Variants in KATNAL1 observed in about 807,000 individuals in gnomAD.
The protein encoded by KATNAL1 is katanin catalytic subunit A1 like 1.
Under a neutral mutation model 55.2 loss-of-function variants are expected in KATNAL1, and 32 were observed. The ratio of observed to expected loss-of-function variants is 0.58; its 90% CI spans 0.44 to 0.78. KATNAL1 has a LOEUF of 0.78. Among genes scored for constraint, KATNAL1 ranks in the 30% least tolerant of loss-of-function variants. KATNAL1 has a pLI of 0.00. For missense variants in KATNAL1, 466 were observed against 600.9 expected, an observed-to-expected ratio of 0.78 and a Z score of 2.35; for synonymous variants, 193 against 193.6, an observed-to-expected ratio of 1.00 and a Z score of 0.02.
intron 3 of KATNAL1, 45 bp downstream of exon 3, chr13:30,280,018 T>C: frequency 3.9e-6 from 6 of 1,519,618 alleles, no homozygotes; most frequent in Non-Finnish European, 5.3e-6. Context: ...ACTGTGAACA[T>C]CAATTAACTA....
intron 3 of KATNAL1, among the ~76,000 whole-genome samples, chr13:30,276,516 CA>C (rs35974864): frequency 0.27 from 26,238 of 98,938 alleles, 2,583 homozygotes; most frequent in East Asian, 0.37. Context: ...TGAGAGATGG[CA>C]AAAAAAAAAA....
intron 4 of KATNAL1, among the ~76,000 whole-genome samples, chr13:30,251,897 C>T (rs1169625268): frequency 6.6e-6 from 1 of 152,048 alleles, no homozygotes; most frequent in Non-Finnish European, 1.5e-5. Flanking sequence ...AAAGCCTCAA[C>T]AATAGATCAC....
chr13:30,296,097 G>A lies in KATNAL1; in HGVS notation c.-15+11234C>T, dbSNP rs957724927. 1.9e-5 allele frequency: 6 copies of A among 314,868 alleles called. No homozygotes were observed. The East Asian group carries it at 2.0e-4, about 11-fold the overall frequency. 19.5% of individuals were successfully genotyped at this position (314,868 alleles called of 1,614,324 possible). On this transcript the variant is annotated intron_variant, in intron 1 of 10. Transcript: ENST00000380615. Reference sequence around the variant, plus strand: ...ATGGGCACTGAGAACGCGGGTCCACGCACGTGATCGTCCGTGCATCTAGCC... The same window carrying A: ...ATGGGCACTGAGAACGCGGGTCCACACACGTGATCGTCCGTGCATCTAGCC...
intron 6 of KATNAL1, among the ~76,000 whole-genome samples, chr13:30,233,081 CA>C (rs1388771865): frequency 6.6e-6 from 1 of 152,072 alleles, no homozygotes; most frequent in African/African-American, 2.4e-5. Flanking sequence ...TGTAAGACCT[CA>C]AAAGCACAGG....
chr13:30,219,849 C>T (rs902978560), intron 9 of KATNAL1, among the ~76,000 whole-genome samples: 1 of 152,148 alleles, frequency 6.6e-6, no homozygotes, highest in African/African-American at 2.4e-5. Flanking sequence ...TGTTTATTTT[C>T]TTCTTCTATA....
chr13:30,206,976 G>C lies in KATNAL1; in HGVS notation c.*1564C>G, dbSNP rs1455113525. 6.6e-6 allele frequency: 1 copy of C among 152,046 alleles called. No individual in the cohort carries two copies. The highest frequency in any genetic ancestry group is 1.9e-4 in the East Asian group (1 of 5,182). The allele number at this position is 152,046 out of a possible 1,614,324, so 9.4% of individuals were successfully genotyped here. ...CAGATGAATACTGGAGTTTAGGTCA[G>C]ACTTAAGTTATCTGAAAAGAACATA... On this transcript the variant is annotated 3_prime_UTR_variant, in exon 11 of 11. Coordinates refer to ENST00000380615, the MANE Select transcript of KATNAL1 (RefSeq NM_032116.5).
In KATNAL1 at chr13:30,269,895, AG is replaced by A. The variant is rs1280382973; in HGVS notation, c.323+10167del. ...CCGCCCGGCAGCCACCCCGTCCAGGAGGGGGGGGTCAGCCCCCTGCCCGGCC... is the reference window on the plus strand; with the variant it reads ...CCGCCCGGCAGCCACCCCGTCCAGGAGGGGGGGTCAGCCCCCTGCCCGGCC... On this transcript the variant is annotated intron_variant, in intron 3 of 10. Coordinates refer to ENST00000380615, the MANE Select transcript of KATNAL1 (RefSeq NM_032116.5). Among the ~76,000 whole-genome samples the A allele has an allele frequency of 4.8e-4, 68 of 142,980 alleles. 2 individuals are homozygous for A. The highest frequency in any genetic ancestry group is 1.6e-3 in the African/African-American group (61 of 37,524). 93.8% of individuals were successfully genotyped at this position (142,980 alleles called of 152,430 possible). A position where few individuals can be genotyped will look rare whatever the true frequency, so the allele number is the denominator to read the frequency against.
At chr13:30,234,306 A>G (rs1044380593) in intron 6 of KATNAL1, among the ~76,000 whole-genome samples, 1 of 152,182 alleles carries the variant, frequency 6.6e-6, no homozygotes, top group African/African-American at 2.4e-5. Flanking sequence ...TCTCACAGCC[A>G]ACCTTCAATG....
At chr13:30,220,225 T>C (rs1253249301) in intron 9 of KATNAL1, among the ~76,000 whole-genome samples, 1 of 151,802 alleles carries the variant, frequency 6.6e-6, no homozygotes, top group Non-Finnish European at 1.5e-5. Flanking sequence ...CTTTGGGAGG[T>C]GGATGCAGGT....
intron 3 of KATNAL1, among the ~76,000 whole-genome samples, chr13:30,264,609 A>AG (rs1879591835): frequency 6.7e-6 from 1 of 150,096 alleles, no homozygotes; most frequent in African/African-American, 2.5e-5. Context: ...GCAGCCAAAC[A>AG]ACACATGAAA....
chr13:30,284,100 T>C (rs1881612260), intron 1 of KATNAL1, among the ~76,000 whole-genome samples: 2 of 152,152 alleles, frequency 1.3e-5, no homozygotes, highest in South Asian at 4.1e-4. Context: ...CCTTAGGTGA[T>C]CCACCCACCT....
In KATNAL1 at chr13:30,204,784, C is replaced by G. The variant is rs1297602998; in HGVS notation, c.*3756G>C. ...AAATATGACATCACAATCTCAGAAGCTGAAATTAAGCCCTGAGCTATACAG... is the reference window on the plus strand; with the variant it reads ...AAATATGACATCACAATCTCAGAAGGTGAAATTAAGCCCTGAGCTATACAG... On this transcript the variant is annotated 3_prime_UTR_variant, in exon 11 of 11. Coordinates refer to ENST00000380615, the MANE Select transcript of KATNAL1 (RefSeq NM_032116.5). The G allele has an allele frequency of 6.6e-6, 1 of 152,132 alleles. No individual in the cohort carries two copies. The highest frequency in any genetic ancestry group is 1.5e-5 in the Non-Finnish European group (1 of 68,026). The allele number at this position is 152,132 out of a possible 1,614,324, so 9.4% of individuals were successfully genotyped here.
chr13:30,237,325 G>T (rs1876788596), intron 6 of KATNAL1, among the ~76,000 whole-genome samples: 1 of 152,160 alleles, frequency 6.6e-6, no homozygotes, highest in African/African-American at 2.4e-5. Context: ...ATCCTCAAGA[G>T]ACTTTTAATC....
rs578224848 is a variant in KATNAL1 at position 30,260,248 on chromosome 13, T to C, written c.324-4633A>G. ...CATCACCATCATCAAAGACCAAAAGTAGATAAAACCACAAAGATGGGGAAA... is the reference window on the plus strand; with the variant it reads ...CATCACCATCATCAAAGACCAAAAGCAGATAAAACCACAAAGATGGGGAAA... On this transcript the variant is annotated intron_variant, in intron 3 of 10. Coordinates refer to ENST00000380615, the MANE Select transcript of KATNAL1 (RefSeq NM_032116.5). Among the ~76,000 whole-genome samples, 145 of 151,890 alleles carry C rather than the reference T, an allele frequency of 9.5e-4. 1 individual carries two copies. Among genetic ancestry groups the C allele is most frequent in the African/African-American group, 3.4e-3 (141 of 41,398 alleles).
chr13:30,233,571 C>A (rs1876327587), intron 6 of KATNAL1, among the ~76,000 whole-genome samples: 1 of 148,114 alleles, frequency 6.8e-6, no homozygotes. Flanking sequence ...CCATATGATC[C>A]AGCAATTCCA....
chr13:30,233,275 T>C (rs1876291148), intron 6 of KATNAL1, among the ~76,000 whole-genome samples: 3 of 151,696 alleles, frequency 2.0e-5, no homozygotes, highest in Admixed American at 2.0e-4. Flanking sequence ...AGACAAATAA[T>C]CCAATTTTAA....
chr13:30,208,600 A>G lies in KATNAL1; in HGVS notation c.1413T>C (p.Ser471=), dbSNP rs1237600790. Reference sequence around the variant, plus strand: ...ACTTCTCCAAGTCTGCAGCAGAGACAGACTTAGCAATTTTCTTTAGGGCCA... The same window carrying G: ...ACTTCTCCAAGTCTGCAGCAGAGACGGACTTAGCAATTTTCTTTAGGGCCA... ...FELALKKIAK[S]VSAADLEKYE... The change falls in exon 11 of 11, where the codon TCT becomes TCC. Residue 471 remains serine, a synonymous_variant. Transcript: ENST00000380615. 6.2e-7 allele frequency: 1 copy of G among 1,613,400 alleles called. No individual in the cohort carries two copies. Among genetic ancestry groups the G allele is most frequent in the African/African-American group, 1.3e-5 (1 of 74,926 alleles).
At chr13:30,283,293 G>GAAAAAAAAAAAA (rs1593945549) in intron 2 of KATNAL1, among the ~76,000 whole-genome samples, 2 of 55,892 alleles carry the variant, frequency 3.6e-5, no homozygotes, top group Admixed American at 1.8e-4. Context: ...AAAAAAAAAG[G>GAAAAAAAAAAAA]AATGAATGAA....
chr13:30,271,939 AAG>A (rs978684213), intron 3 of KATNAL1, among the ~76,000 whole-genome samples: 18 of 152,060 alleles, frequency 1.2e-4, no homozygotes, highest in African/African-American at 4.3e-4. Context: ...AGGAGGGAAA[AAG>A]AGAGTTCCAA....
Sources: allele counts gnomAD v4.1 joint callset (sites outside exome capture counted in the v4.1 genomes callset), GRCh38; gene constraint gnomAD v4.1.1; transcripts MANE v1.5; gene names NCBI Gene and HGNC (gene_info 2026-07-23, HGNC 2026-07-21).